TG: variants seen among roughly 807,000 people sequenced by gnomAD.
TG encodes thyroglobulin.
TG carries 270 observed loss-of-function variants against 324.7 expected under a neutral mutation model. The observed-to-expected ratio is 0.83, with a 90% CI of 0.75 to 0.92. TG has a LOEUF of 0.92. Ranked by LOEUF, TG falls within the 40% of genes least tolerant of loss-of-function variation. TG has a pLI of 0.00. For missense variants in TG, 3,591 were observed against 3,456.4 expected (o/e 1.04, Z -0.98); for synonymous variants, 1,401 against 1,327.0 (o/e 1.06, Z -1.21).
chr8:133,085,250 T>C (rs2131563421), intron 41 of TG, among the ~76,000 whole-genome samples: 1 of 152,338 alleles, frequency 6.6e-6, no homozygotes, highest in South Asian at 2.1e-4. Context: ...TTGTAAAATA[T>C]CTATCTATAG....
chr8:132,965,099 G>A (rs1828352725), intron 29 of TG, among the ~76,000 whole-genome samples: 1 of 152,164 alleles, frequency 6.6e-6, no homozygotes, highest in Non-Finnish European at 1.5e-5. Flanking sequence ...ATGGTTCAAT[G>A]GGGAGACCCA....
At chr8:132,950,364 G>A (rs1433766284) in intron 27 of TG, among the ~76,000 whole-genome samples, 2 of 152,184 alleles carry the variant, frequency 1.3e-5, no homozygotes, top group Non-Finnish European at 2.9e-5. Context: ...TTCTTTCTGT[G>A]GGAACCCTTG....
intron 35 of TG, among the ~76,000 whole-genome samples, chr8:133,004,366 A>G (rs1462724595): frequency 6.6e-6 from 1 of 152,196 alleles, no homozygotes; most frequent in Non-Finnish European, 1.5e-5. Flanking sequence ...AGCACAGCAG[A>G]AGAAAAGCAC....
intron 41 of TG, among the ~76,000 whole-genome samples, chr8:133,075,373 C>T (rs1220148397): frequency 1.3e-5 from 2 of 151,996 alleles, no homozygotes; most frequent in African/African-American, 2.4e-5. Context: ...CTGTTACTGC[C>T]GAATGGACCC....
At chr8:132,961,155 C>T in intron 28 of TG, 82 bp downstream of exon 28, 3 of 1,380,114 alleles carry the variant, frequency 2.2e-6, no homozygotes, top group Non-Finnish European at 3.1e-6. Context: ...TCACAGGGCA[C>T]TCTATTTCTG....
intron 35 of TG, among the ~76,000 whole-genome samples, chr8:133,011,650 A>G (rs1276375657): frequency 6.6e-6 from 1 of 152,206 alleles, no homozygotes; most frequent in Non-Finnish European, 1.5e-5. Context: ...AGAAACAGCC[A>G]TGCTTTCTGT....
chr8:133,047,766 T>A (rs758245166), intron 41 of TG: 26 of 918,444 alleles, frequency 2.8e-5, no homozygotes, highest in Non-Finnish European at 4.2e-5. Context: ...GTGTAATGAG[T>A]CAGCCAGGAG....
intron 20 of TG, among the ~76,000 whole-genome samples, chr8:132,914,587 C>G (rs1294867095): frequency 6.6e-6 from 1 of 152,188 alleles, no homozygotes; most frequent in African/African-American, 2.4e-5. Context: ...GTGGCAGATC[C>G]TTTCCTCATT....
intron 41 of TG, chr8:133,039,927 C>A: frequency 6.6e-7 from 1 of 1,518,064 alleles, no homozygotes; most frequent in Non-Finnish European, 8.9e-7. Context: ...CCGTTTTGTG[C>A]TCACATGTTC....
chr8:132,960,936 G>A (rs143196081), intron 27 of TG, 72 bp from the exon 28 acceptor site: 52 of 1,415,748 alleles, frequency 3.7e-5, no homozygotes, highest in Non-Finnish European at 5.0e-5. Flanking sequence ...GGGAGATGGG[G>A]CTATTGCAGT....
chr8:133,128,690 G>A (rs1474755547), intron 45 of TG, among the ~76,000 whole-genome samples: 2 of 152,190 alleles, frequency 1.3e-5, no homozygotes, highest in Non-Finnish European at 2.9e-5. Context: ...CATGTGACAA[G>A]GAGAAGATTC....
intron 41 of TG, among the ~76,000 whole-genome samples, chr8:133,074,692 G>T (rs994763112): frequency 6.6e-6 from 1 of 152,202 alleles, no homozygotes; most frequent in African/African-American, 2.4e-5. Context: ...ACTGCAGTGT[G>T]CTGGGCACCA....
At chr8:132,907,278 C>T (rs1403123880) in intron 17 of TG, among the ~76,000 whole-genome samples, 1 of 152,200 alleles carries the variant, frequency 6.6e-6, no homozygotes, top group African/African-American at 2.4e-5. Context: ...GCTCTCCCAG[C>T]CTCTGAGTGA....
chr8:132,974,758 C>T (rs1829989664), intron 34 of TG, among the ~76,000 whole-genome samples: 1 of 152,170 alleles, frequency 6.6e-6, no homozygotes, highest in South Asian at 2.1e-4. Flanking sequence ...GGTTTGGTGC[C>T]TTGTTCCATA....
chr8:132,903,343 G>A (rs535995889), intron 16 of TG, among the ~76,000 whole-genome samples: 2 of 152,292 alleles, frequency 1.3e-5, no homozygotes, highest in South Asian at 2.1e-4. Flanking sequence ...TTGGGATTGG[G>A]CTGGAAGTCT....
chr8:133,064,860 G>T (rs1842837367), intron 41 of TG, among the ~76,000 whole-genome samples: 1 of 152,134 alleles, frequency 6.6e-6, no homozygotes, highest in Non-Finnish European at 1.5e-5. Context: ...CTGATGCCTG[G>T]CCTTGCTGCT....
chr8:132,926,907 C>T (rs995135829), intron 22 of TG, among the ~76,000 whole-genome samples: 13 of 152,164 alleles, frequency 8.5e-5, no homozygotes, highest in African/African-American at 3.1e-4. Context: ...TCTCTGAAAT[C>T]TCTCCTGCTG....
At chr8:132,904,303 G>A (rs1272709614) in intron 16 of TG, among the ~76,000 whole-genome samples, 1 of 152,242 alleles carries the variant, frequency 6.6e-6, no homozygotes, top group African/African-American at 2.4e-5. Flanking sequence ...CTGGCTTCTA[G>A]TCCAATCACC....
At chr8:132,871,998 G>A (rs962621539) in intron 4 of TG, among the ~76,000 whole-genome samples, 1 of 152,132 alleles carries the variant, frequency 6.6e-6, no homozygotes, top group African/African-American at 2.4e-5. Context: ...GCTAATGTGT[G>A]TGTGTATCTC....
Sources: gnomAD v4.1 joint callset for allele counts (sites outside exome capture counted in the v4.1 genomes callset) on GRCh38, gnomAD v4.1.1 for gene constraint, MANE v1.5 for transcripts, NCBI Gene and HGNC (gene_info 2026-07-23, HGNC 2026-07-21) for gene names.